Variants in CADPS observed in about 807,000 individuals in gnomAD.
CADPS encodes calcium dependent secretion activator.
In CADPS, 57 loss-of-function variants were observed where a neutral mutation model predicts 167.3. The ratio of observed to expected loss-of-function variants is 0.34; its 90% CI spans 0.28 to 0.42. The LOEUF (loss-of-function observed/expected upper bound fraction) is 0.42. CADPS is among the 20% of genes least tolerant of loss of function. The pLI is 1.00. For synonymous variants in CADPS, 676 were observed against 635.3 expected, an observed-to-expected ratio of 1.06 and a Z score of -0.96; for missense variants, 1,414 against 1,738.1, an observed-to-expected ratio of 0.81 and a Z score of 3.32.
In CADPS at chr3:62,399,395, G is replaced by C. The variant is rs1485282531; in HGVS notation, c.*11C>G. ...AGGACTCTGTCCCAGCAGACTCTAG[G>C]ACCAAATGGTCTAATCGTCTTCTTC... On this transcript the variant is annotated 3_prime_UTR_variant, in exon 30 of 30. Transcript: ENST00000383710. The surrounding 1 kb of genome is among the most constrained non-coding windows in gnomAD (Gnocchi z 5.6). 1 of 1,613,798 alleles carries C rather than the reference G, an allele frequency of 6.2e-7. No homozygotes were observed. Among genetic ancestry groups the C allele is most frequent in the Admixed American group, 1.7e-5 (1 of 60,014 alleles).
At chr3:62,618,428 A>T (rs2062671252) in intron 6 of CADPS, among the ~76,000 whole-genome samples, 1 of 152,166 alleles carries the variant, frequency 6.6e-6, no homozygotes, top group Non-Finnish European at 1.5e-5. Context: ...TGATGGTATC[A>T]TTGGGACTGC....
chr3:62,717,375 C>T (rs920531384), intron 3 of CADPS, among the ~76,000 whole-genome samples: 2 of 152,164 alleles, frequency 1.3e-5, no homozygotes, highest in African/African-American at 4.8e-5. Flanking sequence ...TATCTTTGGT[C>T]CTGAGCTCCG....
intron 13 of CADPS, among the ~76,000 whole-genome samples, chr3:62,523,949 T>C (rs879895896): frequency 2.3e-4 from 35 of 152,196 alleles, no homozygotes; most frequent in Non-Finnish European, 4.9e-4. Flanking sequence ...TCCTACTTGC[T>C]ACGAAATTGT....
chr3:62,873,876 T>C (rs1352317177), intron 1 of CADPS, among the ~76,000 whole-genome samples: 1 of 152,106 alleles, frequency 6.6e-6, no homozygotes, highest in Non-Finnish European at 1.5e-5. Context: ...GGCGTGCCCC[T>C]GCTCTGGGGT....
chr3:62,556,922 G>GA (rs993032764), intron 10 of CADPS, among the ~76,000 whole-genome samples: 9 of 151,248 alleles, frequency 6.0e-5, no homozygotes, highest in African/African-American at 2.2e-4. Flanking sequence ...TGTAGCTAGG[G>GA]AAAATGGATA....
At chr3:62,542,280 T>C (rs2075808884) in intron 11 of CADPS, among the ~76,000 whole-genome samples, 1 of 152,176 alleles carries the variant, frequency 6.6e-6, no homozygotes, top group Non-Finnish European at 1.5e-5. Context: ...AAGTCATCTG[T>C]GAACCCAAAC....
chr3:62,785,853 A>G (rs948251469), intron 1 of CADPS, among the ~76,000 whole-genome samples: 4 of 152,022 alleles, frequency 2.6e-5, no homozygotes, highest in African/African-American at 9.7e-5. Context: ...TGAAACCATC[A>G]TAATTAGTAA....
intron 6 of CADPS, among the ~76,000 whole-genome samples, chr3:62,634,532 T>G (rs771920923): frequency 1.3e-5 from 2 of 152,218 alleles, no homozygotes; most frequent in African/African-American, 2.4e-5. Flanking sequence ...CAGAATGATA[T>G]GCATTGCTTG....
In CADPS at chr3:62,874,726, T is replaced by C; in HGVS notation, c.304A>G (p.Lys102Glu). ...TTCTGCAGCCGCTCCAACTCTTCCT[T>C]CTCCTTCTCGCTCACCACCGACGGG... ...PSPSVVSEKE[K>E]EELERLQKEE... Residue 102 changes from lysine (K) to glutamate (E), a missense_variant, in exon 1 of 30, where the codon AAG (lysine) becomes GAG (glutamate). Lys to Glu is a moderately conservative substitution (Grantham distance 56). Coordinates refer to ENST00000383710, the MANE Select transcript of CADPS (RefSeq NM_003716.4). The surrounding 1 kb of genome is among the most constrained non-coding windows in gnomAD (Gnocchi z 7.1). The C allele has an allele frequency of 5.2e-6, 8 of 1,530,226 alleles. No individual in the cohort carries two copies. Among genetic ancestry groups the C allele is most frequent in the Non-Finnish European group, 7.1e-6 (8 of 1,128,120 alleles). 94.8% of individuals were successfully genotyped at this position (1,530,226 alleles called of 1,614,324 possible).
At chr3:62,513,413 A>T (rs2068288233) in intron 16 of CADPS, among the ~76,000 whole-genome samples, 1 of 152,036 alleles carries the variant, frequency 6.6e-6, no homozygotes, top group South Asian at 2.1e-4. Flanking sequence ...ACTTACAGAC[A>T]AATCTGAGTT....
At chr3:62,531,972 A>C (rs1018155982) in intron 13 of CADPS, among the ~76,000 whole-genome samples, 1 of 152,210 alleles carries the variant, frequency 6.6e-6, no homozygotes, top group African/African-American at 2.4e-5. Flanking sequence ...CTGGGCTTGT[A>C]TATAAAACCT....
At chr3:62,416,927 C>T (rs1047895406) in intron 28 of CADPS, among the ~76,000 whole-genome samples, 2 of 151,956 alleles carry the variant, frequency 1.3e-5, no homozygotes, top group Admixed American at 6.6e-5. Flanking sequence ...TGCTGTTACC[C>T]AGGCTGGAGT....
chr3:62,523,510 T>C (rs968712580), intron 13 of CADPS, among the ~76,000 whole-genome samples: 1 of 152,196 alleles, frequency 6.6e-6, no homozygotes, highest in African/African-American at 2.4e-5. Context: ...CTTTCTAGAA[T>C]GGTTCTCCAT....
chr3:62,742,596 C>T (rs1278206105), intron 3 of CADPS, among the ~76,000 whole-genome samples: 2 of 152,160 alleles, frequency 1.3e-5, no homozygotes, highest in East Asian at 3.9e-4. Context: ...AAACTGGACA[C>T]CTTCCTTACA....
intron 3 of CADPS, among the ~76,000 whole-genome samples, chr3:62,673,698 T>A (rs2075914729): frequency 6.6e-6 from 1 of 152,230 alleles, no homozygotes; most frequent in Admixed American, 6.5e-5. Context: ...CATTCGTTTT[T>A]CAATTTAGTT....
At chr3:62,519,006 G>T (rs922433887) in intron 13 of CADPS, among the ~76,000 whole-genome samples, 1 of 152,094 alleles carries the variant, frequency 6.6e-6, no homozygotes, top group African/African-American at 2.4e-5. Flanking sequence ...TATTCTCATG[G>T]TTCTGTGTCA....
At chr3:62,813,037 C>A (rs2094457197) in intron 1 of CADPS, among the ~76,000 whole-genome samples, 1 of 151,944 alleles carries the variant, frequency 6.6e-6, no homozygotes, top group Non-Finnish European at 1.5e-5. Flanking sequence ...GGTCATATTG[C>A]CCACAACAAT....
In CADPS at chr3:62,478,594, A is replaced by G. The variant is rs1230642913; in HGVS notation, c.3174-178T>C. 1.3e-5 allele frequency among the ~76,000 whole-genome samples: 2 copies of G among 152,122 alleles called. No homozygotes were observed. The highest frequency in any genetic ancestry group is 4.8e-5 in the African/African-American group (2 of 41,418). ...CGGCAGATTTTGAGTTTTACCATAC[A>G]TGACTTAGTGTGCTTTGCTCAGCCA... is the stretch of plus-strand genomic sequence containing the variant. On this transcript the variant is annotated intron_variant, in intron 22 of 29. Transcript: ENST00000383710. The surrounding 1 kb of genome is among the most constrained non-coding windows in gnomAD (Gnocchi z 5.7).
intron 28 of CADPS, among the ~76,000 whole-genome samples, chr3:62,436,783 A>C (rs2055147862): frequency 6.6e-6 from 1 of 152,144 alleles, no homozygotes; most frequent in Non-Finnish European, 1.5e-5. Flanking sequence ...GGGAATTAAA[A>C]AGTAAGAAGG....
Sources: allele counts gnomAD v4.1 joint callset (sites outside exome capture counted in the v4.1 genomes callset), GRCh38; gene constraint gnomAD v4.1.1; non-coding constraint Gnocchi (gnomAD v3.1); transcripts MANE v1.5; gene names NCBI Gene and HGNC (gene_info 2026-07-23, HGNC 2026-07-21).